The following ZNF607 variants were observed in gnomAD, a reference collection of about 807,000 sequenced individuals.
ZNF607 encodes zinc finger protein 607.
ZNF607 carries 5 observed loss-of-function variants against 12.8 expected under a neutral mutation model. The ratio of observed to expected loss-of-function variants is 0.39; its 90% CI spans 0.20 to 0.82. The LOEUF (loss-of-function observed/expected upper bound fraction) is 0.82, where lower values mean the gene tolerates loss of function less well. ZNF607 is among the 40% of genes least tolerant of loss of function. The pLI is 0.39. For missense variants in ZNF607, 851 were observed against 859.2 expected, an observed-to-expected ratio of 0.99 and a Z score of 0.12; for synonymous variants, 287 against 276.2, an observed-to-expected ratio of 1.04 and a Z score of -0.39.
chr19:37,699,498 T>C lies in ZNF607; in HGVS notation c.633A>G (p.Gln211=). 6.2e-7 allele frequency: 1 copy of C among 1,613,904 alleles called. No individual in the cohort carries two copies. The highest frequency in any genetic ancestry group is 1.1e-5 in the South Asian group (1 of 91,072). ...ECGEAFRTSR[Q]LTVHHRFHYG... ...AATGAAATCTATGATGTACAGTAAG[T>C]TGACGGCTAGTCCTAAAAGCTTCCC... The change falls in exon 5 of 5, where the codon CAA becomes CAG. Residue 211 remains glutamine, a synonymous_variant. Transcript: ENST00000355202.
chr19:37,711,802 C>T (rs1261455119), intron 1 of ZNF607, 110 bp from the exon 2 acceptor site: 2 of 572,868 alleles, frequency 3.5e-6, no homozygotes, highest in Non-Finnish European at 6.2e-6. Context: ...TACCTCCTCT[C>T]ACATACAATT....
At chr19:37,704,635 C>A (rs2045065133) in intron 4 of ZNF607, among the ~76,000 whole-genome samples, 1 of 152,204 alleles carries the variant, frequency 6.6e-6, no homozygotes, top group Non-Finnish European at 1.5e-5. Flanking sequence ...AAATTTACAA[C>A]ACTAACATCT....
chr19:37,715,873 C>T (rs558817419), intron 1 of ZNF607, among the ~76,000 whole-genome samples: 1 of 152,276 alleles, frequency 6.6e-6, no homozygotes, highest in South Asian at 2.1e-4. Context: ...ACTTGCAAGA[C>T]ATCTGGAAAT....
At chr19:37,701,929 G>GA (rs1323635975) in intron 4 of ZNF607, among the ~76,000 whole-genome samples, 1 of 152,112 alleles carries the variant, frequency 6.6e-6, no homozygotes, top group African/African-American at 2.4e-5. Context: ...TAATCACTAA[G>GA]AGTCAGTAAA....
At chr19:37,703,764 A>G (rs2045058692) in intron 4 of ZNF607, among the ~76,000 whole-genome samples, 1 of 152,216 alleles carries the variant, frequency 6.6e-6, no homozygotes, top group Admixed American at 6.5e-5. Flanking sequence ...CCAAACACTT[A>G]TGCACCTGAT....
chr19:37,709,088 A>G (rs1273452606), intron 3 of ZNF607, among the ~76,000 whole-genome samples: 1 of 152,232 alleles, frequency 6.6e-6, no homozygotes, highest in African/African-American at 2.4e-5. Flanking sequence ...TACTAAGACT[A>G]TACAAGAAGA....
chr19:37,712,851 C>T (rs1290480692), intron 1 of ZNF607, among the ~76,000 whole-genome samples: 14 of 151,990 alleles, frequency 9.2e-5, no homozygotes, highest in Admixed American at 9.2e-4. Flanking sequence ...CTGTGGGTTC[C>T]TTTGGGTCCC....
chr19:37,704,457 C>T (rs997657774), intron 4 of ZNF607, among the ~76,000 whole-genome samples: 7 of 152,200 alleles, frequency 4.6e-5, no homozygotes, highest in Admixed American at 2.6e-4. Flanking sequence ...CTAACCAACA[C>T]TGAAACATCC....
At chr19:37,706,093 C>A (rs562130532) in intron 4 of ZNF607, among the ~76,000 whole-genome samples, 16 of 152,036 alleles carry the variant, frequency 1.1e-4, no homozygotes, top group Admixed American at 5.2e-4. Flanking sequence ...GCTCGAGAGG[C>A]GGAGGCAGGA....
Position 37,699,032 on chromosome 19 carries a change from A to C in ZNF607, c.1099T>G (p.Cys367Gly). 6.2e-7 allele frequency: 1 copy of C among 1,614,000 alleles called. No individual in the cohort carries two copies. The highest frequency in any genetic ancestry group is 2.2e-5 in the East Asian group (1 of 44,846). ...CTAAAGGCTTTCCCACATTCCTCACACTTATAAGGTTTCTCAACACTTTCA... is the reference window on the plus strand; with the variant it reads ...CTAAAGGCTTTCCCACATTCCTCACCCTTATAAGGTTTCTCAACACTTTCA... ...TFESVEKPYKCEECGKAFSVH... is the reference protein window; with the variant it reads ...TFESVEKPYKGEECGKAFSVH... Residue 367 changes from cysteine (C) to glycine (G), a missense_variant, in exon 5 of 5, where the codon TGT (cysteine) becomes GGT (glycine). Transcript: ENST00000355202.
intron 4 of ZNF607, among the ~76,000 whole-genome samples, chr19:37,701,717 CTTTA>C (rs1453569612): frequency 2.0e-5 from 3 of 152,126 alleles, no homozygotes; most frequent in African/African-American, 7.2e-5. Context: ...AGCATCGAAA[CTTTA>C]TTTATAACAG....
At chr19:37,706,276 A>G (rs2045083002) in intron 4 of ZNF607, 1 of 148,720 alleles carries the variant, frequency 6.7e-6, no homozygotes, top group Non-Finnish European at 1.5e-5. Context: ...AAAGGAAAGG[A>G]AAGGAGGGGG....
chr19:37,716,251 A>G (rs1458970510), intron 1 of ZNF607, among the ~76,000 whole-genome samples: 1 of 151,710 alleles, frequency 6.6e-6, no homozygotes, highest in African/African-American at 2.4e-5. Flanking sequence ...AGAACTATAG[A>G]AAAAAAAATT....
At position 37,718,732 on chromosome 19, in the gene ZNF607, T is replaced by G. The variant is rs1414761033; in HGVS notation, c.-75+537A>C. Among the ~76,000 whole-genome samples, 3 of 152,238 alleles carry G rather than the reference T, an allele frequency of 2.0e-5. No homozygotes were observed. In the East Asian group the frequency reaches 5.8e-4, roughly 29 times the overall value. On this transcript the variant is annotated intron_variant, in intron 1 of 4. Transcript: ENST00000355202. ...TCTTCATCCTCCACCGTCCCCCAGGTCTCTCTCTCCAGAAATAATCCTGTT... is the reference window on the plus strand; with the variant it reads ...TCTTCATCCTCCACCGTCCCCCAGGGCTCTCTCTCCAGAAATAATCCTGTT...
chr19:37,716,392 T>C lies in ZNF607; in HGVS notation c.-75+2877A>G, dbSNP rs59806563. Among the ~76,000 whole-genome samples, 668 of 152,346 alleles carry C rather than the reference T, an allele frequency of 4.4e-3. 2 individuals are homozygous for C. Among genetic ancestry groups the C allele is most frequent in the African/African-American group, 0.016 (649 of 41,584 alleles). ...GGAAAAACTGATCTGTTTGGAACTC[T>C]ACCTGCTCCCTTAAAGTTTCAGTTT... On this transcript the variant is annotated intron_variant, in intron 1 of 4. Coordinates refer to ENST00000355202, the MANE Select transcript of ZNF607 (RefSeq NM_032689.5).
Position 37,697,795 on chromosome 19 carries a change from T to C in ZNF607, c.*245A>G, listed in dbSNP as rs2044989580. On this transcript the variant is annotated 3_prime_UTR_variant, in exon 5 of 5. Transcript: ENST00000355202. ...AAAACTAGAGGAATATCAGAAAAGT[T>C]TTCTTATGTTATTAAAAAAATACAT... 2.6e-6 allele frequency: 1 copy of C among 377,788 alleles called. No homozygotes were observed. The highest frequency in any genetic ancestry group is 4.7e-6 in the Non-Finnish European group (1 of 213,010). 23.4% of individuals were successfully genotyped at this position (377,788 alleles called of 1,614,324 possible). A position where few individuals can be genotyped will look rare whatever the true frequency, so the allele number is the denominator to read the frequency against.
At chr19:37,700,557 A>G (rs931028100) in intron 4 of ZNF607, among the ~76,000 whole-genome samples, 6 of 152,328 alleles carry the variant, frequency 3.9e-5, no homozygotes, top group Non-Finnish European at 7.3e-5. Flanking sequence ...ATACATGGAA[A>G]TTATAACATA....
intron 1 of ZNF607, among the ~76,000 whole-genome samples, chr19:37,715,514 G>A (rs955443893): frequency 5.9e-5 from 9 of 151,546 alleles, no homozygotes; most frequent in African/African-American, 2.2e-4. Flanking sequence ...GCTGAGGCAT[G>A]AGAATTGCTG....
rs757057636 is a variant in ZNF607, at chr19:37,699,008, T to C, written c.1123A>G (p.Ser375Gly). ...TGTCGAGTAAGTCGTCCATGCACAC[T>C]AAAGGCTTTCCCACATTCCTCACAC... Reference protein sequence around the residue: ...YKCEECGKAFSVHGRLTRHQG... With the variant: ...YKCEECGKAFGVHGRLTRHQG... Residue 375 changes from serine (S) to glycine (G), a missense_variant, in exon 5 of 5, where the codon AGT (serine) becomes GGT (glycine). Transcript: ENST00000355202. 1 of 1,613,968 alleles carries C rather than the reference T, an allele frequency of 6.2e-7. No individual in the cohort carries two copies. Among genetic ancestry groups the C allele is most frequent in the Non-Finnish European group, 8.5e-7 (1 of 1,179,988 alleles).
Sources: gnomAD v4.1 joint callset for allele counts (sites outside exome capture counted in the v4.1 genomes callset) on GRCh38, gnomAD v4.1.1 for gene constraint, MANE v1.5 for transcripts, NCBI Gene and HGNC (gene_info 2026-07-23, HGNC 2026-07-21) for gene names.